TUB: variants seen among roughly 807,000 people sequenced by gnomAD.
The protein encoded by TUB is tubby protein homolog.
In TUB, 33 loss-of-function variants were observed where a neutral mutation model predicts 59.7. That is an observed-to-expected ratio of 0.55 (90% CI 0.42 to 0.74). The LOEUF is 0.74. Among genes scored for constraint, TUB ranks in the 30% least tolerant of loss-of-function variants. TUB has a pLI of 0.00. For synonymous variants in TUB, 293 were observed against 256.4 expected (o/e 1.14, Z -1.36); for missense variants, 659 against 672.0 (o/e 0.98, Z 0.21).
At position 8,093,968 on chromosome 11, in the gene TUB, G is replaced by A. The variant is rs75080421; in HGVS notation, c.254-78G>A. 4,416 of 1,573,276 alleles carry A rather than the reference G, an allele frequency of 2.8e-3. 101 individuals carry two copies. In the African/African-American group the frequency reaches 0.051, roughly 18 times the overall value. On this transcript the variant is annotated intron_variant, in intron 3 of 11. Transcript: ENST00000299506. ...GGTGCAGTCAAAAATGCTGTGCTGGGGACTGTGTTCAGGTGGGAGCTCTGG... is the reference window on the plus strand; with the variant it reads ...GGTGCAGTCAAAAATGCTGTGCTGGAGACTGTGTTCAGGTGGGAGCTCTGG...
chr11:8,030,227 AG>A (rs1942551059), intron 1 of TUB, among the ~76,000 whole-genome samples: 1 of 152,186 alleles, frequency 6.6e-6, no homozygotes, highest in Non-Finnish European at 1.5e-5. Flanking sequence ...AAATGCAAAA[AG>A]ACCTTGGGCA....
intron 2 of TUB, among the ~76,000 whole-genome samples, chr11:8,046,767 G>T (rs1001495258): frequency 6.6e-6 from 1 of 152,080 alleles, no homozygotes; most frequent in African/African-American, 2.4e-5. Flanking sequence ...GCATAGATAG[G>T]ATCCTATCAT....
chr11:8,100,801 G>A, intron 10 of TUB, 25 bp from the exon 11 acceptor site: 1 of 1,612,120 alleles, frequency 6.2e-7, no homozygotes, highest in Non-Finnish European at 8.5e-7. Context: ...GCCTGGGCCT[G>A]GCTCAGGTGA....
intron 2 of TUB, among the ~76,000 whole-genome samples, chr11:8,072,970 T>C (rs1269477577): frequency 6.6e-6 from 1 of 152,248 alleles, no homozygotes; most frequent in Non-Finnish European, 1.5e-5. Flanking sequence ...AGAGAACGTT[T>C]AGTGCTAAAA....
chr11:8,070,492 T>C (rs899054288), intron 2 of TUB, among the ~76,000 whole-genome samples: 2 of 152,238 alleles, frequency 1.3e-5, no homozygotes, highest in East Asian at 3.8e-4. Flanking sequence ...TTTACTCAAC[T>C]TTCTGATTCT....
intron 2 of TUB, among the ~76,000 whole-genome samples, chr11:8,074,456 G>T (rs1369296503): frequency 6.6e-6 from 1 of 152,126 alleles, no homozygotes; most frequent in South Asian, 2.1e-4. Flanking sequence ...TTCTCTATAA[G>T]GCTGGGTGCG....
intron 1 of TUB, among the ~76,000 whole-genome samples, chr11:8,084,014 C>G (rs2133820287): frequency 6.6e-6 from 1 of 152,288 alleles, no homozygotes; most frequent in Middle Eastern, 3.4e-3. Flanking sequence ...GGGCAGAAGA[C>G]AGACAAAGCA....
At chr11:8,028,496 C>A (rs1329487171) in intron 1 of TUB, among the ~76,000 whole-genome samples, 2 of 152,124 alleles carry the variant, frequency 1.3e-5, no homozygotes, top group African/African-American at 4.8e-5. Context: ...TCTAAGAATC[C>A]ATTGCCAAAT....
In TUB at chr11:8,106,008, G is replaced by A. The variant is rs1343410037; in HGVS notation, c.*4389G>A. The A allele has an allele frequency of 6.6e-6, 1 of 151,802 alleles. No homozygotes were observed. Among genetic ancestry groups the A allele is most frequent in the East Asian group, 1.9e-4 (1 of 5,200 alleles). The allele number at this position is 151,802 out of a possible 1,614,324, so 9.4% of individuals were successfully genotyped here. A position where few individuals can be genotyped will look rare whatever the true frequency, so the allele number is the denominator to read the frequency against. The stretch of plus-strand genomic sequence containing the variant: ...AGATTGTCTTTTCCTATTTTGGAGT[G>A]GTCAGACATTTTATTTTTGTTCAAG... On this transcript the variant is annotated 3_prime_UTR_variant, in exon 12 of 12. Transcript: ENST00000299506.
At chr11:8,093,687 G>A (rs954385973) in intron 3 of TUB, among the ~76,000 whole-genome samples, 2 of 152,110 alleles carry the variant, frequency 1.3e-5, no homozygotes, top group Non-Finnish European at 2.9e-5. Context: ...TTTCTTCCCC[G>A]TCTTCAATGG....
chr11:8,064,993 G>A (rs1039177752), intron 2 of TUB, among the ~76,000 whole-genome samples: 1 of 152,244 alleles, frequency 6.6e-6, no homozygotes, highest in African/African-American at 2.4e-5. Flanking sequence ...AGTCCCAGGG[G>A]CCTCTCCATG....
At chr11:8,060,068 T>C (rs546196615) in intron 2 of TUB, 1 of 152,366 alleles carries the variant, frequency 6.6e-6, no homozygotes, top group African/African-American at 2.4e-5. Context: ...GAAGAGCAGG[T>C]CTGGAGTAAG....
chr11:8,041,751 C>T (rs972206554), intron 2 of TUB, among the ~76,000 whole-genome samples: 2 of 152,186 alleles, frequency 1.3e-5, no homozygotes, highest in African/African-American at 4.8e-5. Context: ...CAACTGCCCA[C>T]CATTCACCAC....
chr11:8,099,140 T>TA (rs1564925157), intron 9 of TUB, among the ~76,000 whole-genome samples: 2 of 152,054 alleles, frequency 1.3e-5, no homozygotes, highest in Non-Finnish European at 2.9e-5. Flanking sequence ...AGGAGTCTCT[T>TA]AGACAGAAGG....
upstream of TUB, among the ~76,000 whole-genome samples, chr11:8,036,735 T>G (rs1942652520): frequency 6.6e-6 from 1 of 152,216 alleles, no homozygotes; most frequent in South Asian, 2.1e-4. Context: ...CCTTGAGAGA[T>G]GCAGTTTATC....
chr11:8,094,164 G>T lies in TUB; in HGVS notation c.372G>T (p.Arg124Ser). Reference protein sequence around the residue: ...ATAGGQGGAARKEKKGKHKGT... With the variant: ...ATAGGQGGAASKEKKGKHKGT... ...CAGGGGGCCAGGGTGGCGCCGCTAG[G>T]AAGGAGAAGAAGGGAAAGCACAAAG... The change falls in exon 4 of 12, where the codon AGG (arginine) becomes AGT (serine). Residue 124 changes from arginine (R) to serine (S), a missense_variant. Transcript: ENST00000299506. 1 of 1,613,628 alleles carries T rather than the reference G, an allele frequency of 6.2e-7. No individual in the cohort carries two copies. Among genetic ancestry groups the T allele is most frequent in the Admixed American group, 1.7e-5 (1 of 59,946 alleles).
intron 2 of TUB, chr11:8,067,578 C>A (rs979936337): frequency 1.3e-5 from 2 of 152,152 alleles, no homozygotes; most frequent in African/African-American, 4.8e-5. Flanking sequence ...ATTCACCCGA[C>A]AAATATTTAT....
chr11:8,046,006 T>C (rs997393817), intron 2 of TUB, among the ~76,000 whole-genome samples: 1 of 152,208 alleles, frequency 6.6e-6, no homozygotes, highest in South Asian at 2.1e-4. Context: ...CTCACAAGCA[T>C]GTGCAGATCA....
At chr11:8,021,342 C>T (rs1051369283) in intron 1 of TUB, among the ~76,000 whole-genome samples, 7 of 152,068 alleles carry the variant, frequency 4.6e-5, no homozygotes, top group Non-Finnish European at 1.0e-4. Context: ...TGGAGGTGCA[C>T]GCCTGTAATC....
Sources: gnomAD v4.1 joint callset for allele counts (sites outside exome capture counted in the v4.1 genomes callset) on GRCh38, gnomAD v4.1.1 for gene constraint, MANE v1.5 for transcripts, NCBI Gene and HGNC (gene_info 2026-07-23, HGNC 2026-07-21) for gene names.